Variants in NPAS2 observed in about 807,000 individuals in gnomAD.
NPAS2 encodes neuronal PAS domain-containing protein 2.
In NPAS2, 23 loss-of-function variants were observed where a neutral mutation model predicts 107.5. The observed-to-expected ratio is 0.21, with a 90% CI of 0.15 to 0.30. The LOEUF is 0.30. NPAS2 is among the 10% of genes least tolerant of loss of function. The probability of loss-of-function intolerance (pLI) is 1.00; values close to 1 mark genes in which losing one functional copy is unlikely to be tolerated. For synonymous variants in NPAS2, 403 were observed against 417.5 expected, an observed-to-expected ratio of 0.97 and a Z score of 0.42; for missense variants, 756 against 1,043.3, an observed-to-expected ratio of 0.72 and a Z score of 3.79.
intron 5 of NPAS2, among the ~76,000 whole-genome samples, chr2:100,946,092 G>C (rs139819009): frequency 1.3e-5 from 2 of 152,324 alleles, no homozygotes; most frequent in Non-Finnish European, 2.9e-5. Context: ...TGCCCTTGTA[G>C]TCATTCTGTA....
intron 16 of NPAS2, chr2:100,985,372 C>T (rs1278756345): frequency 6.6e-6 from 1 of 152,648 alleles, no homozygotes; most frequent in Non-Finnish European, 1.5e-5. Flanking sequence ...TGACAGACAC[C>T]CTTTATTTAC....
In NPAS2 at chr2:100,918,070, A is replaced by T. The variant is rs998697431; in HGVS notation, c.33-7076A>T. On this transcript the variant is annotated intron_variant, in intron 2 of 20. Coordinates refer to ENST00000335681, the MANE Select transcript of NPAS2 (RefSeq NM_002518.4). The stretch of plus-strand genomic sequence containing the variant: ...AAATTATATCCAACTATATATATTT[A>T]TATATATTTTAAATTACAATCAAGT... Among the ~76,000 whole-genome samples the T allele has an allele frequency of 4.6e-5, 7 of 151,038 alleles. No homozygotes were observed. The East Asian group carries it at 1.4e-3, about 29-fold the overall frequency.
chr2:100,989,001 G>GCTCCTCCAGGCCCCTGCTC lies in NPAS2; in HGVS notation c.1827+739_1827+740insTGCTCCTCCTCCAGGCCCC, dbSNP rs1388767365. ...CCCCCTGCTCCTCCAGGCCCCCACT[G>GCTCCTCCAGGCCCCTGCTC]CTCCTCCAGGCCCCCCAGACTCTTT... is the stretch of plus-strand genomic sequence containing the variant. On this transcript the variant is annotated intron_variant, in intron 17 of 20. Coordinates refer to ENST00000335681, the MANE Select transcript of NPAS2 (RefSeq NM_002518.4). The GCTCCTCCAGGCCCCTGCTC allele has an allele frequency of 6.2e-4, 127 of 204,642 alleles. 2 individuals carry two copies. Among genetic ancestry groups the GCTCCTCCAGGCCCCTGCTC allele is most frequent in the African/African-American group, 3.1e-3 (118 of 38,106 alleles). 12.7% of individuals were successfully genotyped at this position (204,642 alleles called of 1,614,324 possible). A position where few individuals can be genotyped will look rare whatever the true frequency, so the allele number is the denominator to read the frequency against.
intron 1 of NPAS2, among the ~76,000 whole-genome samples, chr2:100,872,728 C>A (rs972134516): frequency 4.6e-5 from 7 of 152,144 alleles, no homozygotes; most frequent in Admixed American, 4.6e-4. Context: ...CTTACTGCCT[C>A]ACTCTAGAGC....
At chr2:100,902,678 G>T (rs1227355615) in intron 1 of NPAS2, among the ~76,000 whole-genome samples, 1 of 152,204 alleles carries the variant, frequency 6.6e-6, no homozygotes. Flanking sequence ...CACTGAGCTG[G>T]GCACTCAGCA....
intron 1 of NPAS2, among the ~76,000 whole-genome samples, chr2:100,885,699 G>T (rs1209008336): frequency 6.6e-6 from 1 of 152,174 alleles, no homozygotes; most frequent in African/African-American, 2.4e-5. Context: ...TTATGAGATG[G>T]AGTCTTGCTC....
intron 2 of NPAS2, among the ~76,000 whole-genome samples, chr2:100,919,105 G>A (rs1451716385): frequency 6.6e-6 from 1 of 152,132 alleles, no homozygotes; most frequent in African/African-American, 2.4e-5. Context: ...AAATCTCAAA[G>A]GCATTATGCT....
chr2:100,937,830 T>C lies in NPAS2; in HGVS notation c.351T>C (p.Leu117=). The C allele has an allele frequency of 6.2e-7, 1 of 1,613,516 alleles. No individual in the cohort carries two copies. Among genetic ancestry groups the C allele is most frequent in the Non-Finnish European group, 8.5e-7 (1 of 1,179,410 alleles). ...IYVSDSITPL[L]GHLPSDVMDQ... is the part of the protein sequence containing the mutation. ...TCTCTGACAGTATCACGCCTCTCCT[T>C]GGGCATTTACCGGTGAGTTTCCACT... Residue 117 remains leucine, a synonymous_variant, in exon 5 of 21, where the codon CTT becomes CTC. Transcript: ENST00000335681.
At chr2:100,937,077 G>C (rs1299452566) in intron 4 of NPAS2, among the ~76,000 whole-genome samples, 1 of 151,746 alleles carries the variant, frequency 6.6e-6, no homozygotes, top group Non-Finnish European at 1.5e-5. Context: ...ACCCAGGACA[G>C]TGTGCCCAGC....
chr2:100,852,137 C>T (rs568697915), intron 1 of NPAS2, among the ~76,000 whole-genome samples: 1 of 152,256 alleles, frequency 6.6e-6, no homozygotes, highest in African/African-American at 2.4e-5. Flanking sequence ...TGGCTCCTGC[C>T]TGTAATCCCA....
intron 4 of NPAS2, among the ~76,000 whole-genome samples, chr2:100,937,261 G>A (rs548470042): frequency 7.6e-4 from 115 of 152,160 alleles, no homozygotes; most frequent in Non-Finnish European, 1.5e-3. Context: ...GGCAATGAAT[G>A]TGAGCAGAGG....
intron 5 of NPAS2, among the ~76,000 whole-genome samples, chr2:100,942,565 TG>T (rs66828151): frequency 0.33 from 50,197 of 151,880 alleles, 8,579 homozygotes; most frequent in Middle Eastern, 0.5. Context: ...TAAATACAGA[TG>T]TGTGTATAAA....
Position 100,968,537 on chromosome 2 carries a change from TC to T in NPAS2, c.1055+113del. 1 of 1,070,490 alleles carries T rather than the reference TC, an allele frequency of 9.3e-7. No homozygotes were observed. Among genetic ancestry groups the T allele is most frequent in the South Asian group, 1.5e-5 (1 of 65,608 alleles). The allele number at this position is 1,070,490 out of a possible 1,614,324, so 66.3% of individuals were successfully genotyped here. A position where few individuals can be genotyped will look rare whatever the true frequency, so the allele number is the denominator to read the frequency against. On this transcript the variant is annotated intron_variant, in intron 11 of 20. Coordinates refer to ENST00000335681, the MANE Select transcript of NPAS2 (RefSeq NM_002518.4). The surrounding 1 kb of genome is among the most constrained non-coding windows in gnomAD (Gnocchi z 5.3). ...GTCAGATCAGCAGTCACTCAGGTGT[TC>T]CCCATTTCGAAGATGAAGCCCAGGC... is the stretch of plus-strand genomic sequence containing the variant.
intron 16 of NPAS2, chr2:100,987,047 C>G (rs1000821812): frequency 3.3e-5 from 5 of 152,306 alleles, no homozygotes; most frequent in African/African-American, 1.2e-4. Context: ...AGCAATTCCC[C>G]TGCCTCAGCC....
chr2:100,892,809 T>A (rs1297655712), intron 1 of NPAS2, among the ~76,000 whole-genome samples: 2 of 152,142 alleles, frequency 1.3e-5, no homozygotes, highest in Non-Finnish European at 2.9e-5. Flanking sequence ...GGCCTTTGGC[T>A]CAGGTTCGAG....
intron 13 of NPAS2, among the ~76,000 whole-genome samples, 156 bp downstream of exon 13, chr2:100,975,100 C>G (rs1676888110): frequency 2.0e-5 from 3 of 152,086 alleles, no homozygotes; most frequent in Admixed American, 2.0e-4. Flanking sequence ...TCCCAGACTT[C>G]CCGCCTCCTG....
At chr2:100,862,476 A>G (rs1679001829) in intron 1 of NPAS2, among the ~76,000 whole-genome samples, 1 of 152,118 alleles carries the variant, frequency 6.6e-6, no homozygotes, top group Admixed American at 6.5e-5. Flanking sequence ...TTTTATTTCA[A>G]ATCAAGGGCT....
chr2:100,831,709 T>G (rs530916117), intron 1 of NPAS2, among the ~76,000 whole-genome samples: 1 of 152,146 alleles, frequency 6.6e-6, no homozygotes, highest in South Asian at 2.1e-4. Flanking sequence ...GCATGGCAAT[T>G]TTTTAGAGGT....
intron 1 of NPAS2, among the ~76,000 whole-genome samples, chr2:100,860,534 A>G (rs1678874491): frequency 6.6e-6 from 1 of 152,184 alleles, no homozygotes; most frequent in African/African-American, 2.4e-5. Context: ...TCTTGCTTGA[A>G]ACATTACTAT....
Sources: allele counts gnomAD v4.1 joint callset (sites outside exome capture counted in the v4.1 genomes callset), GRCh38; gene constraint gnomAD v4.1.1; non-coding constraint Gnocchi (gnomAD v3.1); transcripts MANE v1.5; gene names NCBI Gene and HGNC (gene_info 2026-07-23, HGNC 2026-07-21).